TANC1: variants seen among roughly 807,000 people sequenced by gnomAD.
TANC1 encodes tetratricopeptide repeat, ankyrin repeat and coiled-coil containing 1, also known as protein TANC1.
In TANC1, 77 loss-of-function variants were observed where a neutral mutation model predicts 149.7. That is an observed-to-expected ratio of 0.51 (90% CI 0.43 to 0.62). The LOEUF is 0.62. Among genes scored for constraint, TANC1 ranks in the 20% least tolerant of loss-of-function variants. The probability of loss-of-function intolerance (pLI) is 0.00; values close to 1 mark genes in which losing one functional copy is unlikely to be tolerated. For synonymous variants in TANC1, 854 were observed against 925.0 expected (o/e 0.92, Z 1.39); for missense variants, 1,985 against 2,321.8 (o/e 0.85, Z 2.98).
intron 19 of TANC1, among the ~76,000 whole-genome samples, chr2:159,202,919 A>C (rs1401594251): frequency 6.6e-6 from 1 of 152,184 alleles, no homozygotes; most frequent in Admixed American, 6.5e-5. Context: ...CCCAAGCCGA[A>C]ATGACCAGAG....
At chr2:159,036,165 T>A (rs967227189) in intron 2 of TANC1, among the ~76,000 whole-genome samples, 2 of 152,104 alleles carry the variant, frequency 1.3e-5, no homozygotes, top group African/African-American at 4.8e-5. Context: ...CAGGGCCCTC[T>A]CCCTTTTATG....
At chr2:159,228,614 AATG>A (rs1012456933) in intron 25 of TANC1, 179 bp from the exon 26 acceptor site, 143 of 585,910 alleles carry the variant, frequency 2.4e-4, no homozygotes, top group Non-Finnish European at 3.9e-4. Flanking sequence ...TTCTTCTCCT[AATG>A]ATATTAATCA....
At chr2:159,058,045 A>G (rs1305854858) in intron 2 of TANC1, among the ~76,000 whole-genome samples, 1 of 152,186 alleles carries the variant, frequency 6.6e-6, no homozygotes, top group Non-Finnish European at 1.5e-5. Flanking sequence ...CCTGTAAGTG[A>G]GCAGGAGCTC....
intron 3 of TANC1, among the ~76,000 whole-genome samples, chr2:159,073,689 A>AT (rs2043368001): frequency 6.6e-6 from 1 of 152,216 alleles, no homozygotes; most frequent in South Asian, 2.1e-4. Flanking sequence ...GTACAGACTT[A>AT]GTTTTCAGAA....
In TANC1 at chr2:159,001,710, C is replaced by T. The variant is rs115977875; in HGVS notation, c.-16+521C>T. Among the ~76,000 whole-genome samples, 855 of 152,302 alleles carry T rather than the reference C, an allele frequency of 5.6e-3. 11 individuals are homozygous for T. Among genetic ancestry groups the T allele is most frequent in the African/African-American group, 0.02 (813 of 41,556 alleles). Reference sequence around the variant, plus strand: ...CAGAGATGAGGTAAACTCTGCTGTACAGATGAGGAATCTCAGGTTTAACCA... The same window carrying T: ...CAGAGATGAGGTAAACTCTGCTGTATAGATGAGGAATCTCAGGTTTAACCA... On this transcript the variant is annotated intron_variant, in intron 2 of 26. Coordinates refer to ENST00000263635, the MANE Select transcript of TANC1 (RefSeq NM_033394.3). This position sits in a 1 kb window ranked among gnomAD's most constrained non-coding sequence, Gnocchi z 4.3.
intron 7 of TANC1, among the ~76,000 whole-genome samples, chr2:159,157,381 A>C (rs942657136): frequency 2.0e-5 from 3 of 152,188 alleles, no homozygotes; most frequent in Non-Finnish European, 4.4e-5. Context: ...TTCTGGCCAG[A>C]AAGGTTTAAG....
intron 16 of TANC1, 82 bp from the exon 17 acceptor site, chr2:159,194,175 G>A (rs1430006073): frequency 8.9e-6 from 10 of 1,126,422 alleles, no homozygotes; most frequent in South Asian, 2.6e-5. Context: ...AAATGATACC[G>A]AAAATTGAGG....
chr2:159,230,438 G>A lies in TANC1; in HGVS notation c.5012G>A (p.Ser1671Asn). ...TCAGGCTCTTCTGGTTCTCCATCCA[G>A]CAGCATAAAGATGTCAAGTTCAACC... is the stretch of plus-strand genomic sequence containing the variant. ...TSSGSSGSPS[S>N]SIKMSSSTSS... Residue 1671 changes from serine (S) to asparagine (N), a missense_variant, in exon 27 of 27, where the codon AGC becomes AAC. By Grantham distance (46) the Ser-to-Asn change is conservative. Coordinates refer to ENST00000263635, the MANE Select transcript of TANC1 (RefSeq NM_033394.3). The surrounding 1 kb of genome is among the most constrained non-coding windows in gnomAD (Gnocchi z 4.4). 6.2e-7 allele frequency: 1 copy of A among 1,614,164 alleles called. No individual in the cohort carries two copies. Among genetic ancestry groups the A allele is most frequent in the Non-Finnish European group, 8.5e-7 (1 of 1,180,046 alleles).
At chr2:159,010,313 A>C (rs2037625009) in intron 2 of TANC1, among the ~76,000 whole-genome samples, 1 of 152,204 alleles carries the variant, frequency 6.6e-6, no homozygotes, top group African/African-American at 2.4e-5. Flanking sequence ...ATGGGGGAAA[A>C]CTGAGAAAAT....
At chr2:159,157,360 C>T (rs1376254032) in intron 7 of TANC1, among the ~76,000 whole-genome samples, 1 of 152,176 alleles carries the variant, frequency 6.6e-6, no homozygotes, top group Non-Finnish European at 1.5e-5. Flanking sequence ...AATAAAAGTA[C>T]AGTCTGGCAA....
chr2:159,124,100 A>G (rs1364141973), intron 4 of TANC1, among the ~76,000 whole-genome samples: 1 of 152,168 alleles, frequency 6.6e-6, no homozygotes, highest in Non-Finnish European at 1.5e-5. Context: ...GCTCACACCT[A>G]TAATCCCAGC....
rs750477249 is a variant in TANC1, at chr2:159,229,892, G to A, written c.4466G>A (p.Arg1489Gln). ...PSSSVPSSYI[R>Q]NLQEGLQSKG... ...TCATCTGTCCCTTCCTCATACATCC[G>A]AAACCTTCAAGAAGGGTTACAGTCC... The change falls in exon 27 of 27, where the codon CGA becomes CAA. Residue 1489 changes from arginine (R) to glutamine (Q), a missense_variant. This residue lies in a region of TANC1 where 920 missense variants were observed against 994.7 expected (regional missense o/e 0.92). Coordinates refer to ENST00000263635, the MANE Select transcript of TANC1 (RefSeq NM_033394.3). 5.0e-6 allele frequency: 8 copies of A among 1,613,938 alleles called. No individual in the cohort carries two copies. The highest frequency in any genetic ancestry group is 4.5e-5 in the East Asian group (2 of 44,882).
chr2:159,148,062 A>C (rs2150303209), intron 5 of TANC1: 1 of 152,284 alleles, frequency 6.6e-6, no homozygotes, highest in South Asian at 2.1e-4. Context: ...TTTTTCCTAA[A>C]ACCTTTACCC....
intron 17 of TANC1, 110 bp downstream of exon 17, chr2:159,194,603 C>T: frequency 6.1e-6 from 6 of 982,114 alleles, no homozygotes; most frequent in Non-Finnish European, 7.9e-6. Flanking sequence ...CCACAGCATA[C>T]ACAGAAAGGG....
chr2:158,971,538 A>C (rs940253662), intron 1 of TANC1, among the ~76,000 whole-genome samples: 2 of 152,202 alleles, frequency 1.3e-5, no homozygotes, highest in Admixed American at 6.5e-5. Flanking sequence ...TGTCTCTTAA[A>C]TGCATATTTC....
rs998539166 is a variant in TANC1, at chr2:159,097,737, G to A, written c.162G>A (p.Val54=). 6.2e-7 allele frequency: 1 copy of A among 1,614,094 alleles called. No individual in the cohort carries two copies. The highest frequency in any genetic ancestry group is 8.5e-7 in the Non-Finnish European group (1 of 1,180,014). ...SLPTAEDTYR[V]SLAKGVSMSL... ...CCACAGCAGAGGACACCTATAGGGT[G>A]AGCTTGGCCAAAGGTGTCTCGATGT... Residue 54 remains valine, a synonymous_variant, in exon 4 of 27, where the codon GTG becomes GTA. Coordinates refer to ENST00000263635, the MANE Select transcript of TANC1 (RefSeq NM_033394.3).
At position 159,194,251 on chromosome 2, in the gene TANC1, C is replaced by T. The variant is rs1242272036; in HGVS notation, c.2743-6C>T. The T allele has an allele frequency of 3.1e-6, 5 of 1,610,708 alleles. No individual in the cohort carries two copies. The highest frequency in any genetic ancestry group is 1.7e-5 in the Admixed American group (1 of 59,976). On this transcript the variant is annotated splice_region_variant and splice_polypyrimidine_tract_variant and intron_variant, in intron 16 of 26. Transcript: ENST00000263635. Reference sequence around the variant, plus strand: ...GACAATCTTGTTGGGGGGCCTTGTCCAACAGGTGAGCCGTCTCCTGATTTT... The same window carrying T: ...GACAATCTTGTTGGGGGGCCTTGTCTAACAGGTGAGCCGTCTCCTGATTTT...
intron 4 of TANC1, among the ~76,000 whole-genome samples, chr2:159,128,735 C>T (rs1168041883): frequency 2.0e-5 from 3 of 152,058 alleles, no homozygotes; most frequent in African/African-American, 7.2e-5. Context: ...TTTTTCAGTC[C>T]CTAATTGCAT....
chr2:159,190,612 C>T (rs1050890573), intron 16 of TANC1, among the ~76,000 whole-genome samples: 9 of 152,126 alleles, frequency 5.9e-5, no homozygotes, highest in Non-Finnish European at 8.8e-5. Context: ...AGTGCAATGG[C>T]GTGATCTTGG....
Sources: allele counts gnomAD v4.1 joint callset (sites outside exome capture counted in the v4.1 genomes callset), GRCh38; gene constraint gnomAD v4.1.1; regional missense constraint gnomAD v4.1.1; non-coding constraint Gnocchi (gnomAD v3.1); transcripts MANE v1.5; gene names NCBI Gene and HGNC (gene_info 2026-07-23, HGNC 2026-07-21).